LRRC4C: variants seen among roughly 807,000 people sequenced by gnomAD.
LRRC4C encodes the protein leucine rich repeat containing 4C.
Under a neutral mutation model 33.6 loss-of-function variants are expected in LRRC4C, and 5 were observed. That is an observed-to-expected ratio of 0.15 (90% CI 0.08 to 0.31). The LOEUF is 0.31. Among genes scored for constraint, LRRC4C ranks in the 10% least tolerant of loss-of-function variants. The pLI is 1.00. For synonymous variants in LRRC4C, 329 were observed against 302.0 expected (o/e 1.09, Z -0.93); for missense variants, 560 against 796.7 (o/e 0.70, Z 3.58).
At chr11:40,784,011 G>T (rs1950315491) in intron 2 of LRRC4C, among the ~76,000 whole-genome samples, 1 of 151,940 alleles carries the variant, frequency 6.6e-6, no homozygotes, top group Admixed American at 6.6e-5. Flanking sequence ...TTTGTCAGAG[G>T]ATTCATTCTG....
chr11:41,089,652 T>C (rs1453692902), intron 1 of LRRC4C, among the ~76,000 whole-genome samples: 1 of 152,110 alleles, frequency 6.6e-6, no homozygotes, highest in Admixed American at 6.6e-5. Flanking sequence ...TTAATTCAAT[T>C]TATTTTTCTT....
intron 1 of LRRC4C, among the ~76,000 whole-genome samples, chr11:41,241,255 T>C (rs1426356259): frequency 6.6e-6 from 1 of 152,166 alleles, no homozygotes; most frequent in Non-Finnish European, 1.5e-5. Flanking sequence ...AATAAATGAT[T>C]CTTTGGGACC....
intron 2 of LRRC4C, among the ~76,000 whole-genome samples, chr11:40,864,627 G>A (rs1338611652): frequency 6.6e-6 from 1 of 152,148 alleles, no homozygotes; most frequent in Non-Finnish European, 1.5e-5. Context: ...CTCTTATTGT[G>A]TGCCCATGGC....
At chr11:40,321,274 A>T (rs1188841908) in intron 3 of LRRC4C, among the ~76,000 whole-genome samples, 1 of 152,202 alleles carries the variant, frequency 6.6e-6, no homozygotes, top group Non-Finnish European at 1.5e-5. Flanking sequence ...TTGAAAAAAC[A>T]ATACATTTCC....
At chr11:41,360,139 C>T (rs1212603156) in intron 1 of LRRC4C, among the ~76,000 whole-genome samples, 6 of 152,200 alleles carry the variant, frequency 3.9e-5, no homozygotes, top group East Asian at 1.9e-4. Context: ...GCGGAGATCG[C>T]GCCACTGCAC....
intron 3 of LRRC4C, among the ~76,000 whole-genome samples, chr11:40,635,399 T>A (rs1049758319): frequency 2.0e-5 from 3 of 152,172 alleles, no homozygotes; most frequent in Non-Finnish European, 2.9e-5. Context: ...CCTCAGGCTT[T>A]GGAGAGCTAG....
intron 3 of LRRC4C, among the ~76,000 whole-genome samples, chr11:40,601,916 C>T (rs1036275816): frequency 4.6e-5 from 7 of 152,046 alleles, no homozygotes; most frequent in East Asian, 1.9e-4. Flanking sequence ...CTGGGCTGAG[C>T]GCAGTGGCTC....
intron 3 of LRRC4C, among the ~76,000 whole-genome samples, chr11:40,494,466 C>T (rs995251546): frequency 2.0e-5 from 3 of 152,188 alleles, no homozygotes; most frequent in African/African-American, 4.8e-5. Flanking sequence ...AAGGAATTAA[C>T]GAATGTTGAC....
chr11:41,175,216 A>G (rs918681234), intron 1 of LRRC4C, among the ~76,000 whole-genome samples: 4 of 152,072 alleles, frequency 2.6e-5, no homozygotes, highest in Admixed American at 6.6e-5. Context: ...AACTGGCCTC[A>G]AGGCTTCTGG....
At chr11:40,954,367 A>C (rs1314697394) in intron 1 of LRRC4C, among the ~76,000 whole-genome samples, 1 of 151,898 alleles carries the variant, frequency 6.6e-6, no homozygotes, top group Non-Finnish European at 1.5e-5. Context: ...AAGACTTGGA[A>C]ATTCATAATG....
At chr11:41,376,066 A>T (rs758542139) in intron 1 of LRRC4C, among the ~76,000 whole-genome samples, 11 of 151,954 alleles carry the variant, frequency 7.2e-5, no homozygotes, top group African/African-American at 1.7e-4. Context: ...GAAATCTAAA[A>T]ATGAGAAGAC....
At chr11:41,107,813 T>C (rs1941595991) in intron 1 of LRRC4C, among the ~76,000 whole-genome samples, 1 of 152,126 alleles carries the variant, frequency 6.6e-6, no homozygotes, top group Non-Finnish European at 1.5e-5. Flanking sequence ...TGATGGCACC[T>C]GTATTCCCAG....
intron 2 of LRRC4C, among the ~76,000 whole-genome samples, chr11:40,665,325 A>AATAT (rs1160594156): frequency 0.02 from 260 of 13,194 alleles, 7 homozygotes; most frequent in Non-Finnish European, 0.026. Context: ...AAAAAAAAAA[A>AATAT]ATATATATAT....
chr11:40,932,644 G>T (rs1274039126), intron 2 of LRRC4C, among the ~76,000 whole-genome samples: 2 of 152,122 alleles, frequency 1.3e-5, no homozygotes, highest in African/African-American at 4.8e-5. Flanking sequence ...GGAAAATAGA[G>T]TATAGGTAAA....
intron 2 of LRRC4C, among the ~76,000 whole-genome samples, chr11:40,659,489 T>G (rs566257943): frequency 6.6e-6 from 1 of 152,140 alleles, no homozygotes; most frequent in Non-Finnish European, 1.5e-5. Context: ...ATGGTGCTTT[T>G]TCCAGCCTGC....
intron 2 of LRRC4C, among the ~76,000 whole-genome samples, chr11:40,827,888 C>G (rs1418884634): frequency 2.0e-5 from 3 of 151,704 alleles, no homozygotes; most frequent in Non-Finnish European, 3.0e-5. Flanking sequence ...TATCACCTCA[C>G]TGAGAAAGAG....
At chr11:40,639,563 C>T (rs1941982651) in intron 3 of LRRC4C, among the ~76,000 whole-genome samples, 1 of 152,154 alleles carries the variant, frequency 6.6e-6, no homozygotes, top group Admixed American at 6.5e-5. Context: ...TATTGCTGCG[C>T]CTTCTTTGTG....
At chr11:41,219,054 A>T (rs1215317991) in intron 1 of LRRC4C, among the ~76,000 whole-genome samples, 1 of 151,786 alleles carries the variant, frequency 6.6e-6, no homozygotes, top group Admixed American at 6.6e-5. Context: ...TACAGGCTTG[A>T]GCCACCGCGC....
At position 40,872,243 on chromosome 11, in the gene LRRC4C, A is replaced by G. The variant is rs140928867; in HGVS notation, c.-407+61392T>C. ...GGGCAAGCCTGCCAGCTACTCTGAT[A>G]TTGGAGATCCAGTGTACCTTTGGGC... On this transcript the variant is annotated intron_variant, in intron 2 of 6. Transcript: ENST00000528697. Among the ~76,000 whole-genome samples the G allele has an allele frequency of 2.4e-3, 369 of 151,742 alleles. 3 individuals carry two copies. The highest frequency in any genetic ancestry group is 8.1e-3 in the African/African-American group (336 of 41,428).
Sources: gnomAD v4.1 joint callset for allele counts (sites outside exome capture counted in the v4.1 genomes callset) on GRCh38, gnomAD v4.1.1 for gene constraint, MANE v1.5 for transcripts, NCBI Gene and HGNC (gene_info 2026-07-23, HGNC 2026-07-21) for gene names.